Variants in ATXN7L2 observed in about 807,000 individuals in gnomAD.
ATXN7L2 encodes ataxin-7-like protein 2.
Under a neutral mutation model 59.6 loss-of-function variants are expected in ATXN7L2, and 17 were observed. The ratio of observed to expected loss-of-function variants is 0.29; its 90% confidence interval spans 0.20 to 0.43. The LOEUF is 0.43. Among genes scored for constraint, ATXN7L2 ranks in the 20% least tolerant of loss-of-function variants. The pLI is 1.00. For synonymous variants in ATXN7L2, 378 were observed against 392.5 expected, an observed-to-expected ratio of 0.96 and a Z score of 0.44; for missense variants, 858 against 1,008.9, an observed-to-expected ratio of 0.85 and a Z score of 2.03.
rs1215073975 is a variant in ATXN7L2, at chr1:109,488,033, T to C, written c.796+229T>C. On this transcript the variant is annotated intron_variant, in intron 5 of 10. Coordinates refer to ENST00000683729, the MANE Select transcript of ATXN7L2 (RefSeq NM_001350175.2). The surrounding 1 kb of genome is among the most constrained non-coding windows in gnomAD (Gnocchi z 5.0). ...AGCCCATGCCCAGGAGGTGAAGTTCTTTCTCACTCTTTTCTCACCTAGATC... is the reference window on the plus strand; with the variant it reads ...AGCCCATGCCCAGGAGGTGAAGTTCCTTCTCACTCTTTTCTCACCTAGATC... Among the ~76,000 whole-genome samples the C allele has an allele frequency of 6.6e-6, 1 of 152,212 alleles. No homozygotes were observed. The highest frequency in any genetic ancestry group is 1.5e-5 in the Non-Finnish European group (1 of 68,036).
Position 109,487,696 on chromosome 1 carries a change from A to G in ATXN7L2, c.688A>G (p.Ile230Val), listed in dbSNP as rs1305294323. 2.5e-6 allele frequency: 4 copies of G among 1,613,514 alleles called. No homozygotes were observed. Among genetic ancestry groups the G allele is most frequent in the East Asian group, 2.2e-5 (1 of 44,834 alleles). Residue 230 changes from isoleucine to valine, a missense_variant, in exon 5 of 11, where the codon ATC (isoleucine) becomes GTC (valine). Physicochemically the swap from Ile to Val is conservative, Grantham distance 29 (BLOSUM62 3). This residue lies in a region of ATXN7L2 where 734 missense variants were observed against 862.3 expected (regional missense o/e 0.85). Transcript: ENST00000683729. Reference sequence around the variant, plus strand: ...TAAAGAACCTCCTGGCAGAGAGAACATCGAGATCATCCCCAGTGAGGGGTC... The same window carrying G: ...TAAAGAACCTCCTGGCAGAGAGAACGTCGAGATCATCCCCAGTGAGGGGTC... ...PSKEPPGREN[I>V]EIIPSEGSSH...
Position 109,487,820 on chromosome 1 carries a change from CT to C in ATXN7L2, c.796+18del. 1 of 1,576,120 alleles carries C rather than the reference CT, an allele frequency of 6.3e-7. No homozygotes were observed. The highest frequency in any genetic ancestry group is 1.2e-5 in the South Asian group (1 of 85,988). The stretch of plus-strand genomic sequence containing the variant: ...AAGATGGCTCGTGAGTAGTTGTGGT[CT>C]TGGGGGTCCAGAATGTAGAGTGGGG... On this transcript the variant is annotated intron_variant, in intron 5 of 10. Transcript: ENST00000683729.
chr1:109,484,735 CCTT>C (rs1236228756), intron 1 of ATXN7L2, among the ~76,000 whole-genome samples: 2 of 152,176 alleles, frequency 1.3e-5, no homozygotes, highest in African/African-American at 4.8e-5. Context: ...GCCTACAGCC[CCTT>C]CTTCTGATCT....
chr1:109,489,854 T>C, intron 7 of ATXN7L2, 76 bp from the exon 8 acceptor site: 1 of 1,521,034 alleles, frequency 6.6e-7, no homozygotes, highest in Admixed American at 1.7e-5. Context: ...CTCTTTGAGC[T>C]CGGCAGGTTC....
At position 109,487,905 on chromosome 1, in the gene ATXN7L2, T is replaced by C. The variant is rs77853011; in HGVS notation, c.796+101T>C. 8.6e-4 allele frequency: 1,178 copies of C among 1,371,004 alleles called. 15 individuals are homozygous for C. In the African/African-American group the frequency reaches 0.016, roughly 19 times the overall value. 84.9% of individuals were successfully genotyped at this position (1,371,004 alleles called of 1,614,324 possible). On this transcript the variant is annotated intron_variant, in intron 5 of 10. Transcript: ENST00000683729. ...GAGGAGGAGGTCAGGTTTATGGGCCTGGCCATCACAGGTTGTAGGGTATAG... is the reference window on the plus strand; with the variant it reads ...GAGGAGGAGGTCAGGTTTATGGGCCCGGCCATCACAGGTTGTAGGGTATAG...
rs372630202 is a variant in ATXN7L2 at position 109,492,566 on chromosome 1, C to T, written c.2251-20C>T. The stretch of plus-strand genomic sequence containing the variant: ...AGGCCCCCACCCTGACCCTTTCTCT[C>T]GCCTCTTGTCTTCCTGCAGTCAAAA... On this transcript the variant is annotated intron_variant, in intron 10 of 10. Coordinates refer to ENST00000683729, the MANE Select transcript of ATXN7L2 (RefSeq NM_001350175.2). 169 of 1,613,742 alleles carry T rather than the reference C, an allele frequency of 1.0e-4. No homozygotes were observed. The highest frequency in any genetic ancestry group is 1.7e-4 in the Middle Eastern group (1 of 5,972).
chr1:109,489,763 G>A (rs185334521), intron 7 of ATXN7L2, 167 bp from the exon 8 acceptor site: 92 of 704,706 alleles, frequency 1.3e-4, no homozygotes, highest in Non-Finnish European at 2.0e-4. Flanking sequence ...CTTACTCTGT[G>A]AGCTGTGTCG....
In ATXN7L2 at chr1:109,486,543, C is replaced by G. The variant is rs1656596442; in HGVS notation, c.231C>G (p.Asp77Glu). ...TCGGGCACTGCCCTGCCCATGATGA[C>G]TTCTACTTGGTTGTGTGTAACCACT... ...SIFGHCPAHD[D>E]FYLVVCNHCS... Residue 77 changes from aspartate to glutamate, a missense_variant, in exon 3 of 11, where the codon GAC (aspartate) becomes GAG (glutamate). By Grantham distance (45) the Asp-to-Glu change is conservative. Transcript: ENST00000683729. This position sits in a 1 kb window ranked among gnomAD's most constrained non-coding sequence, Gnocchi z 4.3. 10 of 1,614,084 alleles carry G rather than the reference C, an allele frequency of 6.2e-6. No individual in the cohort carries two copies. The highest frequency in any genetic ancestry group is 6.8e-6 in the Non-Finnish European group (8 of 1,179,952).
rs1656625474 is a variant in ATXN7L2, at chr1:109,486,977, T to C, written c.299-30T>C. 1.9e-6 allele frequency: 3 copies of C among 1,540,178 alleles called. No individual in the cohort carries two copies. The highest frequency in any genetic ancestry group is 2.8e-5 in the African/African-American group (2 of 72,400). ...GAAGGAAGTGGTGATACCACTCACC[T>C]TGATTATTCTTTCCACCTCCTGGTG... On this transcript the variant is annotated intron_variant, in intron 3 of 10. Coordinates refer to ENST00000683729, the MANE Select transcript of ATXN7L2 (RefSeq NM_001350175.2). The surrounding 1 kb of genome is among the most constrained non-coding windows in gnomAD (Gnocchi z 4.3).
Position 109,491,183 on chromosome 1 carries a change from G to A in ATXN7L2, c.1716G>A (p.Thr572=), listed in dbSNP as rs772895942. The part of the protein sequence containing the change: ...QAITSPLPAN[T]PSPSFSKLPP... Reference sequence around the variant, plus strand: ...TCACCTCACCACTGCCTGCCAACACGCCATCCCCGTCCTTCAGCAAGCTGC... The same window carrying A: ...TCACCTCACCACTGCCTGCCAACACACCATCCCCGTCCTTCAGCAAGCTGC... The change falls in exon 10 of 11, where the codon ACG becomes ACA. Residue 572 remains threonine, a synonymous_variant. Transcript: ENST00000683729. This position sits in a 1 kb window ranked among gnomAD's most constrained non-coding sequence, Gnocchi z 4.1. 8.7e-6 allele frequency: 14 copies of A among 1,613,778 alleles called. No homozygotes were observed. Among genetic ancestry groups the A allele is most frequent in the East Asian group, 4.5e-5 (2 of 44,898 alleles).
In ATXN7L2 at chr1:109,492,155, G is replaced by A. The variant is rs1418908285; in HGVS notation, c.2251-431G>A. Reference sequence around the variant, plus strand: ...TTCCTCTGGGCATCAGGGCCTTGAAGGGCAGGCACACAACCCCATGTCCAC... The same window carrying A: ...TTCCTCTGGGCATCAGGGCCTTGAAAGGCAGGCACACAACCCCATGTCCAC... On this transcript the variant is annotated intron_variant, in intron 10 of 10. Coordinates refer to ENST00000683729, the MANE Select transcript of ATXN7L2 (RefSeq NM_001350175.2). The A allele has an allele frequency of 7.8e-6, 8 of 1,031,022 alleles. No individual in the cohort carries two copies. The East Asian group carries it at 4.4e-4, about 56-fold the overall frequency. The allele number at this position is 1,031,022 out of a possible 1,614,324, so 63.9% of individuals were successfully genotyped here.
chr1:109,491,904 G>A lies in ATXN7L2; in HGVS notation c.2250+187G>A. On this transcript the variant is annotated intron_variant, in intron 10 of 10. Transcript: ENST00000683729. The surrounding 1 kb of genome is among the most constrained non-coding windows in gnomAD (Gnocchi z 4.1). ...CAAAGTGACTCCAGCTTTTTGCCTG[G>A]TGAACCTTCCCCTATCCCTAACCCT... 8.3e-7 allele frequency: 1 copy of A among 1,205,936 alleles called. No individual in the cohort carries two copies. Among genetic ancestry groups the A allele is most frequent in the Non-Finnish European group, 1.1e-6 (1 of 898,352 alleles). 74.7% of individuals were successfully genotyped at this position (1,205,936 alleles called of 1,614,324 possible).
At position 109,486,114 on chromosome 1, in the gene ATXN7L2, T is replaced by A. The variant is rs1656565587; in HGVS notation, c.185T>A (p.Ile62Asn). The part of the protein sequence containing the change: ...NTKKLDAMTL[I>N]KEDMSIFGHC... ...AAGAAGTTGGATGCCATGACCCTCA[T>A]TAAAGAAGGTGGGAGTCGACACACA... Residue 62 changes from isoleucine to asparagine, a missense_variant, in exon 2 of 11, where the codon ATT becomes AAT. Transcript: ENST00000683729. This position sits in a 1 kb window ranked among gnomAD's most constrained non-coding sequence, Gnocchi z 4.3. 6.3e-7 allele frequency: 1 copy of A among 1,596,126 alleles called. No homozygotes were observed. Among genetic ancestry groups the A allele is most frequent in the Non-Finnish European group, 8.5e-7 (1 of 1,173,034 alleles).
chr1:109,488,376 C>G lies in ATXN7L2; in HGVS notation c.797-7C>G, dbSNP rs748824855. 3.1e-6 allele frequency: 5 copies of G among 1,594,586 alleles called. No homozygotes were observed. The highest frequency in any genetic ancestry group is 4.3e-6 in the Non-Finnish European group (5 of 1,168,004). On this transcript the variant is annotated splice_polypyrimidine_tract_variant and splice_region_variant and intron_variant, in intron 5 of 10. Coordinates refer to ENST00000683729, the MANE Select transcript of ATXN7L2 (RefSeq NM_001350175.2). This position sits in a 1 kb window ranked among gnomAD's most constrained non-coding sequence, Gnocchi z 5.0. ...CTTGAGGTTCATTGGAAGTGCTTTC[C>G]CCACAGGGAAGGAGTGCGACCTCAA... is the stretch of plus-strand genomic sequence containing the variant.
downstream of ATXN7L2, chr1:109,492,759 C>A: frequency 1.2e-6 from 1 of 808,648 alleles, no homozygotes; most frequent in Non-Finnish European, 1.9e-6. Context: ...TCTGTTGCTG[C>A]TATGAAAATA....
At chr1:109,489,871 G>GCC (rs1656895462) in intron 7 of ATXN7L2, 59 bp from the exon 8 acceptor site, 2 of 1,586,842 alleles carry the variant, frequency 1.3e-6, no homozygotes, top group Non-Finnish European at 1.7e-6. Context: ...GTTCAAGGAT[G>GCC]CCCCTACTCT....
intron 1 of ATXN7L2, chr1:109,485,270 GAGGT>G (rs1656497609): frequency 1.1e-6 from 1 of 919,772 alleles, no homozygotes; most frequent in Non-Finnish European, 1.3e-6. Context: ...GGGGAGGAGA[GAGGT>G]AGGGGGATGG....
In ATXN7L2 at chr1:109,488,188, G is replaced by A. The variant is rs575170746; in HGVS notation, c.797-195G>A. On this transcript the variant is annotated intron_variant, in intron 5 of 10. Transcript: ENST00000683729. The surrounding 1 kb of genome is among the most constrained non-coding windows in gnomAD (Gnocchi z 5.0). ...TCCCAAAAGGCGCACCTGAAATTGG[G>A]ATAGGGATGGTTCTCACACCCAGCA... is the stretch of plus-strand genomic sequence containing the variant. 2.0e-5 allele frequency among the ~76,000 whole-genome samples: 3 copies of A among 152,374 alleles called. No homozygotes were observed. Among genetic ancestry groups the A allele is most frequent in the Admixed American group, 2.0e-4 (3 of 15,306 alleles).
chr1:109,485,312 T>C (rs1656502854), intron 1 of ATXN7L2: 1 of 985,150 alleles, frequency 1.0e-6, no homozygotes, highest in Non-Finnish European at 1.2e-6. Flanking sequence ...ACAGCTAAGA[T>C]GTTTTTGTCA....
Sources: allele counts gnomAD v4.1 joint callset (sites outside exome capture counted in the v4.1 genomes callset), GRCh38; gene constraint gnomAD v4.1.1; regional missense constraint gnomAD v4.1.1; non-coding constraint Gnocchi (gnomAD v3.1); transcripts MANE v1.5; gene names NCBI Gene and HGNC (gene_info 2026-07-23, HGNC 2026-07-21).